FZD3: variants seen among roughly 807,000 people sequenced by gnomAD.
FZD3 encodes the protein frizzled-3.
A neutral mutation model predicts 60.7 loss-of-function variants in FZD3; 30 were observed. That is an observed-to-expected ratio of 0.49 (90% confidence interval 0.37 to 0.67). The LOEUF (loss-of-function observed/expected upper bound fraction) is 0.67, where lower values mean the gene tolerates loss of function less well. FZD3 is among the 30% of genes least tolerant of loss of function. The pLI, the probability that FZD3 is intolerant of heterozygous loss-of-function variation, is 0.00. For synonymous variants in FZD3, 246 were observed against 275.2 expected, an observed-to-expected ratio of 0.89 and a Z score of 1.05; for missense variants, 605 against 838.7, an observed-to-expected ratio of 0.72 and a Z score of 3.44.
Position 28,567,158 on chromosome 8 carries a change from T to A in FZD3, c.*4147T>A, listed in dbSNP as rs1805718921. 6.6e-6 allele frequency: 1 copy of A among 152,524 alleles called. No homozygotes were observed. Among genetic ancestry groups the A allele is most frequent in the African/African-American group, 2.4e-5 (1 of 41,402 alleles). The allele number at this position is 152,524 out of a possible 1,614,324, so 9.4% of individuals were successfully genotyped here. A position where few individuals can be genotyped will look rare whatever the true frequency, so the allele number is the denominator to read the frequency against. On this transcript the variant is annotated 3_prime_UTR_variant, in exon 8 of 8. Transcript: ENST00000240093. ...CACTACACCTGGCTAATTTTAATTT[T>A]TTTTTCTTTTTTTGAGACGGAGTCT...
In FZD3 at chr8:28,527,620, C is replaced by T. The variant is rs1804750474; in HGVS notation, c.860C>T (p.Thr287Ile). 1 of 1,613,604 alleles carries T rather than the reference C, an allele frequency of 6.2e-7. No individual in the cohort carries two copies. Among genetic ancestry groups the T allele is most frequent in the Non-Finnish European group, 8.5e-7 (1 of 1,179,556 alleles). The change falls in exon 5 of 8, where the codon ACC becomes ATC. Residue 287 changes from threonine (T) to isoleucine (I), a missense_variant. Thr to Ile is a moderately conservative substitution (Grantham distance 89). Transcript: ENST00000240093. The surrounding 1 kb of genome is among the most constrained non-coding windows in gnomAD (Gnocchi z 5.0). ...CAAGGATCTCATAATAAAGCCTGTA[C>T]CATGCTTTTTATGATACTCTATTTT... Reference protein sequence around the residue: ...VTQGSHNKACTMLFMILYFFT... With the variant: ...VTQGSHNKACIMLFMILYFFT...
chr8:28,545,896 A>G (rs774325688), intron 5 of FZD3, among the ~76,000 whole-genome samples: 2 of 152,324 alleles, frequency 1.3e-5, no homozygotes, highest in Middle Eastern at 3.4e-3. Context: ...CGTAGACCGC[A>G]TATGCGACTA....
chr8:28,506,140 G>A (rs920136778), intron 3 of FZD3, among the ~76,000 whole-genome samples: 1 of 152,192 alleles, frequency 6.6e-6, no homozygotes, highest in Non-Finnish European at 1.5e-5. Context: ...AATGTCAGTA[G>A]CAATCTTTAC....
In FZD3 at chr8:28,527,578, A is replaced by G. The variant is rs1349204576; in HGVS notation, c.818A>G (p.Lys273Arg). 6.2e-7 allele frequency: 1 copy of G among 1,614,026 alleles called. No homozygotes were observed. Among genetic ancestry groups the G allele is most frequent in the South Asian group, 1.1e-5 (1 of 91,076 alleles). ...ACNASIPAQY[K>R]ASTVTQGSHN... is the part of the protein sequence containing the mutation. Reference sequence around the variant, plus strand: ...AATGCATCCATCCCTGCACAATATAAGGCTTCCACAGTGACACAAGGATCT... The same window carrying G: ...AATGCATCCATCCCTGCACAATATAGGGCTTCCACAGTGACACAAGGATCT... Residue 273 changes from lysine to arginine, a missense_variant, in exon 5 of 8, where the codon AAG (lysine) becomes AGG (arginine). By Grantham distance (26) the Lys-to-Arg change is conservative (BLOSUM62 2). Transcript: ENST00000240093. This position sits in a 1 kb window ranked among gnomAD's most constrained non-coding sequence, Gnocchi z 5.0.
At chr8:28,535,411 A>G (rs1045052306) in intron 5 of FZD3, among the ~76,000 whole-genome samples, 3 of 152,166 alleles carry the variant, frequency 2.0e-5, no homozygotes, top group Non-Finnish European at 4.4e-5. Context: ...TTATTAACTA[A>G]AGTTCATACT....
At chr8:28,549,705 ATTGAGAT>A (rs1805369154) in intron 5 of FZD3, among the ~76,000 whole-genome samples, 1 of 152,056 alleles carries the variant, frequency 6.6e-6, no homozygotes, top group Non-Finnish European at 1.5e-5. Context: ...TTGCTTTTGG[ATTGAGAT>A]ATAGATACAT....
chr8:28,517,878 T>C (rs999912982), intron 3 of FZD3, among the ~76,000 whole-genome samples: 1 of 152,200 alleles, frequency 6.6e-6, no homozygotes, highest in Non-Finnish European at 1.5e-5. Context: ...TTTTATTTTT[T>C]GGTTTTCAGT....
chr8:28,494,977 C>T (rs1037872331), intron 1 of FZD3, among the ~76,000 whole-genome samples: 2 of 152,222 alleles, frequency 1.3e-5, no homozygotes, highest in Non-Finnish European at 2.9e-5. Flanking sequence ...CGAGCTTCCC[C>T]CGGCTGCCTC....
At chr8:28,547,171 T>C (rs750625369) in intron 5 of FZD3, among the ~76,000 whole-genome samples, 5 of 152,166 alleles carry the variant, frequency 3.3e-5, no homozygotes, top group Admixed American at 6.5e-5. Flanking sequence ...CTTTGCTCCC[T>C]CTTTTTTTAC....
At position 28,533,108 on chromosome 8, in the gene FZD3, T is replaced by C. The variant is rs532934718; in HGVS notation, c.1404+4944T>C. On this transcript the variant is annotated intron_variant, in intron 5 of 7. Coordinates refer to ENST00000240093, the MANE Select transcript of FZD3 (RefSeq NM_017412.4). The stretch of plus-strand genomic sequence containing the variant: ...CTTTTTAAATACATTAGCATAAATT[T>C]GTTCATTTTTAAAATGTTTTTACCA... 2.0e-4 allele frequency among the ~76,000 whole-genome samples: 30 copies of C among 152,358 alleles called. 1 individual carries two copies. The South Asian group carries it at 6.2e-3, about 32-fold the overall frequency.
rs1038707276 is a variant in FZD3 at position 28,572,610 on chromosome 8, T to C, written c.*9599T>C. The C allele has an allele frequency of 6.6e-6, 1 of 152,184 alleles. No individual in the cohort carries two copies. Among genetic ancestry groups the C allele is most frequent in the East Asian group, 1.9e-4 (1 of 5,198 alleles). 9.4% of individuals were successfully genotyped at this position (152,184 alleles called of 1,614,324 possible). On this transcript the variant is annotated 3_prime_UTR_variant, in exon 8 of 8. Transcript: ENST00000240093. ...ATGTATTAGGTTTGTGCAAACCTAA[T>C]ATAAAAGGGTTCATCTGTAAGTATC...
At position 28,568,804 on chromosome 8, in the gene FZD3, A is replaced by G. The variant is rs908393157; in HGVS notation, c.*5793A>G. The G allele has an allele frequency of 1.3e-5, 2 of 152,146 alleles. No homozygotes were observed. Among genetic ancestry groups the G allele is most frequent in the African/African-American group, 4.8e-5 (2 of 41,456 alleles). The allele number at this position is 152,146 out of a possible 1,614,324, so 9.4% of individuals were successfully genotyped here. On this transcript the variant is annotated 3_prime_UTR_variant, in exon 8 of 8. Transcript: ENST00000240093. The stretch of plus-strand genomic sequence containing the variant: ...AATCTGTTGAAAGGCATTGAAGGAT[A>G]ATTTCCTTCAGATTACTTTTTAAAT...
chr8:28,516,530 C>T (rs947703901), intron 3 of FZD3, among the ~76,000 whole-genome samples: 1 of 152,048 alleles, frequency 6.6e-6, no homozygotes, highest in African/African-American at 2.4e-5. Context: ...AAACCATGAA[C>T]ACAGGATGTC....
intron 3 of FZD3, among the ~76,000 whole-genome samples, chr8:28,511,769 A>G (rs774247989): frequency 2.0e-5 from 3 of 151,980 alleles, no homozygotes; most frequent in South Asian, 2.1e-4. Flanking sequence ...ATGTACCTCT[A>G]TTTTTGTGTG....
At chr8:28,508,521 G>C (rs767100689) in intron 3 of FZD3, among the ~76,000 whole-genome samples, 1 of 149,666 alleles carries the variant, frequency 6.7e-6, no homozygotes, top group Non-Finnish European at 1.5e-5. Flanking sequence ...TTGTTTTTGA[G>C]ACAGGGCCTG....
chr8:28,554,482 A>G (rs921228623), intron 6 of FZD3, among the ~76,000 whole-genome samples: 1 of 152,042 alleles, frequency 6.6e-6, no homozygotes, highest in Non-Finnish European at 1.5e-5. Flanking sequence ...CTGTTTTATC[A>G]TTACCTTGTG....
chr8:28,502,107 C>A (rs1008898279), intron 2 of FZD3, among the ~76,000 whole-genome samples: 2 of 152,102 alleles, frequency 1.3e-5, no homozygotes, highest in Non-Finnish European at 2.9e-5. Context: ...GTATTGGAAT[C>A]ATTTTCAAGA....
At chr8:28,512,150 CAG>C (rs1804306753) in intron 3 of FZD3, among the ~76,000 whole-genome samples, 1 of 151,910 alleles carries the variant, frequency 6.6e-6, no homozygotes, top group African/African-American at 2.4e-5. Flanking sequence ...TGGTAGGGGA[CAG>C]AGTGTCAAAG....
intron 5 of FZD3, among the ~76,000 whole-genome samples, chr8:28,543,705 C>T (rs1368786195): frequency 2.0e-5 from 3 of 150,446 alleles, no homozygotes; most frequent in Non-Finnish European, 4.4e-5. Context: ...ATGAGATTTT[C>T]TCTTTTTGTA....
Sources: gnomAD v4.1 joint callset for allele counts (sites outside exome capture counted in the v4.1 genomes callset) on GRCh38, gnomAD v4.1.1 for gene constraint, Gnocchi (gnomAD v3.1) non-coding constraint, MANE v1.5 for transcripts, NCBI Gene and HGNC (gene_info 2026-07-23, HGNC 2026-07-21) for gene names.